AKAP13: variants seen among roughly 807,000 people sequenced by gnomAD.
The protein encoded by AKAP13 is A-kinase anchor protein 13.
In AKAP13, 80 loss-of-function variants were observed where a neutral mutation model predicts 264.5. The ratio of observed to expected loss-of-function variants is 0.30; its 90% CI spans 0.25 to 0.36. The LOEUF is 0.36. Among genes scored for constraint, AKAP13 ranks in the 10% least tolerant of loss-of-function variants. The probability of loss-of-function intolerance (pLI) is 1.00; values close to 1 mark genes in which losing one functional copy is unlikely to be tolerated. For synonymous variants in AKAP13, 1,380 were observed against 1,250.2 expected (o/e 1.10, Z -2.19); for missense variants, 3,712 against 3,435.2 (o/e 1.08, Z -2.01).
chr15:85,730,894 A>G (rs890831599), intron 30 of AKAP13, among the ~76,000 whole-genome samples, 187 bp downstream of exon 30: 1 of 151,988 alleles, frequency 6.6e-6, no homozygotes, highest in South Asian at 2.1e-4. Flanking sequence ...CAAGAACTTA[A>G]AGGGGCCCTG....
Position 85,581,535 on chromosome 15 carries a change from A to T in AKAP13, c.3467A>T (p.Asp1156Val). Residue 1156 changes from aspartate (D) to valine (V), a missense_variant, in exon 7 of 37, where the codon GAT (aspartate) becomes GTT (valine). Coordinates refer to ENST00000394518, the MANE Select transcript of AKAP13 (RefSeq NM_007200.5). ...GVGTPEMIPL[D>V]WEKGKLEGAD... ...GGAACCCCAGAGATGATACCTCTTG[A>T]TTGGGAGAAAGGGAAGCTGGAGGGA... The T allele has an allele frequency of 6.2e-7, 1 of 1,614,150 alleles. No homozygotes were observed. The highest frequency in any genetic ancestry group is 8.5e-7 in the Non-Finnish European group (1 of 1,180,018).
At chr15:85,743,877 A>T in intron 36 of AKAP13, 52 bp downstream of exon 36, 3 of 1,520,764 alleles carry the variant, frequency 2.0e-6, no homozygotes, top group Non-Finnish European at 2.7e-6. Flanking sequence ...GTGCATTCTG[A>T]GAGAGGGTAG....
intron 20 of AKAP13, 122 bp from the exon 21 acceptor site, chr15:85,717,168 C>A: frequency 1.7e-6 from 1 of 590,180 alleles, no homozygotes; most frequent in Non-Finnish European, 2.9e-6. Flanking sequence ...AGCAATTTGT[C>A]TTCAGTCACT....
chr15:85,544,621 C>T (rs140977939), intron 5 of AKAP13, among the ~76,000 whole-genome samples: 1 of 152,260 alleles, frequency 6.6e-6, no homozygotes, highest in East Asian at 1.9e-4. Flanking sequence ...ATTTGAAGAG[C>T]GCTCTTTTAT....
intron 5 of AKAP13, among the ~76,000 whole-genome samples, chr15:85,560,180 T>G (rs1339561228): frequency 7.0e-6 from 1 of 142,488 alleles, no homozygotes; most frequent in Admixed American, 7.0e-5. Context: ...AATAATCAAT[T>G]AATTCTTCCT....
In AKAP13 at chr15:85,684,840, C is replaced by A; in HGVS notation, c.5256C>A (p.Ile1752=). 1 of 1,613,860 alleles carries A rather than the reference C, an allele frequency of 6.2e-7. No homozygotes were observed. Among genetic ancestry groups the A allele is most frequent in the Non-Finnish European group, 8.5e-7 (1 of 1,179,980 alleles). Reference sequence around the variant, plus strand: ...AAGTCAGTCGTACATTCAGCTACATCAAGAATAAAATGTCTAGCAGCAAGA... The same window carrying A: ...AAGTCAGTCGTACATTCAGCTACATAAAGAATAAAATGTCTAGCAGCAAGA... ...GTKVSRTFSY[I]KNKMSSSKKS... is the part of the protein sequence containing the mutation. Residue 1752 remains isoleucine (I), a synonymous_variant, in exon 16 of 37, where the codon ATC becomes ATA. Transcript: ENST00000394518.
chr15:85,538,136 A>G lies in AKAP13; in HGVS notation c.478+4256A>G, dbSNP rs187943778. On this transcript the variant is annotated intron_variant, in intron 4 of 36. Coordinates refer to ENST00000394518, the MANE Select transcript of AKAP13 (RefSeq NM_007200.5). ...AAGCTAGGGGGGTGTTTTCCCTGAG[A>G]GACCCTTGTGCAGTAGCCGTCAGCA... Among the ~76,000 whole-genome samples the G allele has an allele frequency of 5.8e-3, 876 of 152,172 alleles. 8 individuals carry two copies. The highest frequency in any genetic ancestry group is 5.9e-3 in the Non-Finnish European group (399 of 67,994).
intron 1 of AKAP13, among the ~76,000 whole-genome samples, chr15:85,484,010 A>G (rs1479844959): frequency 6.6e-6 from 1 of 152,032 alleles, no homozygotes; most frequent in African/African-American, 2.4e-5. Context: ...TTCCTGTATA[A>G]ATTTCACTGA....
At chr15:85,673,694 G>GTTTTTTTTT (rs2084052641) in intron 14 of AKAP13, among the ~76,000 whole-genome samples, 1 of 84,148 alleles carries the variant, frequency 1.2e-5, no homozygotes, top group Non-Finnish European at 2.3e-5. Flanking sequence ...TTTTTTTTTG[G>GTTTTTTTTT]GGAGACAGAA....
intron 2 of AKAP13, among the ~76,000 whole-genome samples, chr15:85,494,025 A>G (rs1241165102): frequency 1.3e-5 from 2 of 152,224 alleles, no homozygotes; most frequent in African/African-American, 2.4e-5. Flanking sequence ...AGGGTACCCC[A>G]TTTTAGGAAA....
At chr15:85,624,623 C>T (rs1454005960) in intron 8 of AKAP13, 1 of 152,220 alleles carries the variant, frequency 6.6e-6, no homozygotes, top group African/African-American at 2.4e-5. Context: ...GTTTTTGCTT[C>T]CTTTTGTTCA....
chr15:85,720,260 C>CTGTGTG (rs71141479), intron 23 of AKAP13, among the ~76,000 whole-genome samples: 35 of 150,768 alleles, frequency 2.3e-4, no homozygotes, highest in African/African-American at 8.3e-4. Flanking sequence ...AAAACAAACT[C>CTGTGTG]TGTGTGTGTG....
rs778715460 is a variant in AKAP13, at chr15:85,476,992, T to A, written c.-11-8718T>A. Among the ~76,000 whole-genome samples, 10 of 152,138 alleles carry A rather than the reference T, an allele frequency of 6.6e-5. No individual in the cohort carries two copies. In the East Asian group the frequency reaches 1.9e-3, roughly 29 times the overall value. ...TTTAAGCTCTGGAGGTTGGAAGCTCTAGGAAAACTAAGGTGGGTTAAATGT... is the reference window on the plus strand; with the variant it reads ...TTTAAGCTCTGGAGGTTGGAAGCTCAAGGAAAACTAAGGTGGGTTAAATGT... On this transcript the variant is annotated intron_variant, in intron 1 of 36. Coordinates refer to ENST00000394518, the MANE Select transcript of AKAP13 (RefSeq NM_007200.5).
intron 14 of AKAP13, among the ~76,000 whole-genome samples, chr15:85,678,073 T>C (rs759392465): frequency 1.1e-4 from 16 of 152,232 alleles, no homozygotes; most frequent in Admixed American, 4.6e-4. Flanking sequence ...ATAAAAACTT[T>C]ACAAGGTATC....
chr15:85,434,560 TAA>T (rs1205955155), intron 1 of AKAP13, among the ~76,000 whole-genome samples: 2 of 151,914 alleles, frequency 1.3e-5, no homozygotes, highest in Non-Finnish European at 2.9e-5. Context: ...TCTGCAGACT[TAA>T]GTGTCCCTGT....
chr15:85,621,836 T>G (rs1380785651), intron 8 of AKAP13, among the ~76,000 whole-genome samples: 1 of 152,114 alleles, frequency 6.6e-6, no homozygotes, highest in Non-Finnish European at 1.5e-5. Flanking sequence ...TGGTTTTTTG[T>G]TTTTTTGTTT....
At chr15:85,389,975 G>A (rs1728783562) in intron 1 of AKAP13, 1 of 152,212 alleles carries the variant, frequency 6.6e-6, no homozygotes, top group South Asian at 2.1e-4. Context: ...GTGAGTCAGT[G>A]GGTAGAGTGC....
intron 2 of AKAP13, chr15:85,520,642 G>A (rs1240615706): frequency 1.9e-6 from 1 of 518,726 alleles, no homozygotes; most frequent in African/African-American, 1.9e-5. Flanking sequence ...AAGAAGAGTA[G>A]GAATGTCAGA....
chr15:85,648,675 C>CA (rs1453625438), intron 10 of AKAP13, among the ~76,000 whole-genome samples: 1 of 151,960 alleles, frequency 6.6e-6, no homozygotes, highest in Non-Finnish European at 1.5e-5. Flanking sequence ...CTTGTCTCTA[C>CA]AAAAAATACC....
Sources: gnomAD v4.1 joint callset for allele counts (sites outside exome capture counted in the v4.1 genomes callset) on GRCh38, gnomAD v4.1.1 for gene constraint, MANE v1.5 for transcripts, NCBI Gene and HGNC (gene_info 2026-07-23, HGNC 2026-07-21) for gene names.